The following AKR1C8 variants were observed in gnomAD, a reference collection of about 807,000 sequenced individuals.
AKR1C8 encodes the protein aldo-keto reductase family 1 member C8.
the AKR1C8 span, chr10:5,160,981 T>G: frequency 8.3e-5 from 36 of 435,900 alleles, no homozygotes; most frequent in African/African-American, 6.8e-4. Context: ...CCTTCAAGAG[T>G]TTCAGGAGGT....
the AKR1C8 span, chr10:5,155,638 A>G: frequency 2.2e-6 from 1 of 452,300 alleles, no homozygotes; most frequent in Admixed American, 2.5e-5. Context: ...CATACTACAG[A>G]AAACAGCCTG....
the AKR1C8 span, among the ~76,000 whole-genome samples, chr10:5,136,903 T>A: frequency 6.6e-6 from 1 of 152,062 alleles, no homozygotes; most frequent in Non-Finnish European, 1.5e-5. Flanking sequence ...AAACAAGATA[T>A]AAAACACAGG....
At chr10:5,126,225 G>A in the AKR1C8 span, among the ~76,000 whole-genome samples, 3 of 152,100 alleles carry the variant, frequency 2.0e-5, no homozygotes, top group Non-Finnish European at 4.4e-5. Flanking sequence ...CTCTGCATGG[G>A]TACACCTATA....
the AKR1C8 span, among the ~76,000 whole-genome samples, chr10:5,153,428 T>A: frequency 6.6e-6 from 1 of 152,164 alleles, no homozygotes; most frequent in Non-Finnish European, 1.5e-5. Flanking sequence ...ATCTGAACAT[T>A]GATTATTTCA....
At chr10:5,147,749 C>CT in the AKR1C8 span, among the ~76,000 whole-genome samples, 7 of 152,202 alleles carry the variant, frequency 4.6e-5, no homozygotes, top group African/African-American at 1.7e-4. Flanking sequence ...CATGGCTACT[C>CT]TTACAGGTTG....
At chr10:5,147,432 C>G in the AKR1C8 span, among the ~76,000 whole-genome samples, 1 of 152,056 alleles carries the variant, frequency 6.6e-6, no homozygotes, top group South Asian at 2.1e-4. Context: ...CAAGTTCCTG[C>G]TGGTTATGAG....
the AKR1C8 span, among the ~76,000 whole-genome samples, chr10:5,134,712 C>T: frequency 3.2e-4 from 48 of 152,120 alleles, no homozygotes; most frequent in Non-Finnish European, 4.4e-4. Flanking sequence ...TCATACACCC[C>T]GTCTCCAGAC....
the AKR1C8 span, among the ~76,000 whole-genome samples, chr10:5,177,203 G>A: frequency 6.6e-6 from 1 of 151,882 alleles, no homozygotes; most frequent in East Asian, 1.9e-4. Flanking sequence ...GTTGAATTTT[G>A]TCAAAGGCCT....
At chr10:5,146,269 C>T in the AKR1C8 span, among the ~76,000 whole-genome samples, 1 of 151,638 alleles carries the variant, frequency 6.6e-6, no homozygotes, top group Non-Finnish European at 1.5e-5. Context: ...TTAGTGGGTG[C>T]AGCACCAGCA....
the AKR1C8 span, chr10:5,123,371 C>T: frequency 6.2e-6 from 2 of 320,772 alleles, no homozygotes; most frequent in Non-Finnish European, 1.2e-5. Context: ...GGCTGGGGAT[C>T]ACTTGTGCAT....
chr10:5,139,311 A>G, the AKR1C8 span, among the ~76,000 whole-genome samples: 668 of 152,328 alleles, frequency 4.4e-3, 17 homozygotes, highest in Admixed American at 0.035. Flanking sequence ...TTTAAAGTTC[A>G]TATGGAACCA....
At chr10:5,148,673 T>G in the AKR1C8 span, among the ~76,000 whole-genome samples, 1 of 152,158 alleles carries the variant, frequency 6.6e-6, no homozygotes, top group African/African-American at 2.4e-5. Flanking sequence ...GCATTTGTCT[T>G]GCGCTCAATA....
chr10:5,131,219 A>C, the AKR1C8 span, among the ~76,000 whole-genome samples: 343 of 152,240 alleles, frequency 2.3e-3, 4 homozygotes, highest in African/African-American at 7.9e-3. Context: ...CTGAAACCAT[A>C]AAAATTCTAG....
chr10:5,183,889 A>T, the AKR1C8 span, among the ~76,000 whole-genome samples: 1 of 152,200 alleles, frequency 6.6e-6, no homozygotes, highest in African/African-American at 2.4e-5. Context: ...CTGCACTCAT[A>T]TGAGAACAAG....
the AKR1C8 span, chr10:5,157,566 C>T: frequency 4.9e-6 from 2 of 409,404 alleles, no homozygotes; most frequent in South Asian, 3.8e-5. Context: ...GTCGCATTCT[C>T]CCATGTAAGA....
chr10:5,143,205 G>C, the AKR1C8 span, among the ~76,000 whole-genome samples: 2 of 152,212 alleles, frequency 1.3e-5, no homozygotes, highest in East Asian at 1.9e-4. Context: ...TGACGTTTCT[G>C]ATAAACAAGC....
the AKR1C8 span, among the ~76,000 whole-genome samples, chr10:5,133,781 C>G: frequency 6.6e-6 from 1 of 152,158 alleles, no homozygotes. Flanking sequence ...GGTACATCTA[C>G]GGGTGGCAGT....
chr10:5,133,613 T>C, the AKR1C8 span, among the ~76,000 whole-genome samples: 1 of 152,152 alleles, frequency 6.6e-6, no homozygotes. Context: ...TGGGTACTGA[T>C]TACATTGACC....
chr10:5,177,446 T>C, the AKR1C8 span, among the ~76,000 whole-genome samples: 1 of 152,160 alleles, frequency 6.6e-6, no homozygotes, highest in Admixed American at 6.5e-5. Context: ...TTCTCTTTTT[T>C]TGTTGTGTCT....
Sources: gnomAD v4.1 joint callset for allele counts (sites outside exome capture counted in the v4.1 genomes callset) on GRCh38, gnomAD v4.1.1 for gene constraint, MANE v1.5 for transcripts, NCBI Gene and HGNC (gene_info 2026-07-23, HGNC 2026-07-21) for gene names.